Variants in KIRREL3 observed in about 807,000 individuals in gnomAD.
KIRREL3 encodes kin of IRRE-like protein 3.
A neutral mutation model predicts 89.7 loss-of-function variants in KIRREL3; 36 were observed. That is an observed-to-expected ratio of 0.40 (90% CI 0.31 to 0.53). KIRREL3 has a LOEUF of 0.53. Ranked by LOEUF, KIRREL3 falls within the 20% of genes least tolerant of loss-of-function variation. The pLI is 0.49. For missense variants in KIRREL3, 864 were observed against 1,056.6 expected (o/e 0.82, Z 2.53); for synonymous variants, 445 against 441.4 (o/e 1.01, Z -0.10).
chr11:126,865,373 C>T (rs1944885282), intron 1 of KIRREL3, among the ~76,000 whole-genome samples: 1 of 152,242 alleles, frequency 6.6e-6, no homozygotes, highest in African/African-American at 2.4e-5. Flanking sequence ...AGGCTGCCTG[C>T]TGCTTTCTGT....
At chr11:126,850,131 G>T (rs1197985875) in intron 1 of KIRREL3, among the ~76,000 whole-genome samples, 1 of 152,222 alleles carries the variant, frequency 6.6e-6, no homozygotes, top group African/African-American at 2.4e-5. Context: ...GGGTGAAGGA[G>T]TCAGAGTGAA....
intron 1 of KIRREL3, among the ~76,000 whole-genome samples, chr11:126,716,753 G>GGT (rs1947980274): frequency 7.5e-6 from 1 of 132,708 alleles, no homozygotes; most frequent in African/African-American, 3.1e-5. Flanking sequence ...TGTGTTGGGG[G>GGT]GGGGGGGAAG....
chr11:126,621,643 G>A (rs574313968), intron 1 of KIRREL3, among the ~76,000 whole-genome samples: 27 of 152,026 alleles, frequency 1.8e-4, no homozygotes, highest in Non-Finnish European at 3.1e-4. Flanking sequence ...TTAATACCAC[G>A]AAACTATAAA....
chr11:126,625,398 C>T (rs996286750), intron 1 of KIRREL3, among the ~76,000 whole-genome samples: 5 of 152,152 alleles, frequency 3.3e-5, no homozygotes, highest in African/African-American at 7.2e-5. Flanking sequence ...CAGGGTTGGT[C>T]GTTGTAAGGA....
rs1944958517 is a variant in KIRREL3 at position 126,652,823 on chromosome 11, A to T, written c.56-89911T>A. ...AGGCCTTTCAACTTTCCTCCCTGAG[A>T]TCTTCCTCCGTGAACCAACAACAAA... On this transcript the variant is annotated intron_variant, in intron 1 of 16. Coordinates refer to ENST00000525144, the MANE Select transcript of KIRREL3 (RefSeq NM_032531.4). The surrounding 1 kb of genome is among the most constrained non-coding windows in gnomAD (Gnocchi z 4.9). 1 of 152,294 alleles carries T rather than the reference A, an allele frequency of 6.6e-6. No homozygotes were observed. The highest frequency in any genetic ancestry group is 1.5e-5 in the Non-Finnish European group (1 of 68,030). The allele number at this position is 152,294 out of a possible 1,614,324, so 9.4% of individuals were successfully genotyped here.
intron 1 of KIRREL3, among the ~76,000 whole-genome samples, chr11:126,988,947 G>T (rs1417365421): frequency 6.6e-6 from 1 of 152,028 alleles, no homozygotes; most frequent in Non-Finnish European, 1.5e-5. Flanking sequence ...CCTCAGTTCA[G>T]CTTTCTATTA....
chr11:126,445,641 C>T (rs1162935106), intron 9 of KIRREL3, among the ~76,000 whole-genome samples: 1 of 152,232 alleles, frequency 6.6e-6, no homozygotes, highest in Non-Finnish European at 1.5e-5. Flanking sequence ...CAGTGAACAC[C>T]TGTGTCTCTT....
Position 126,780,294 on chromosome 11 carries a change from T to C in KIRREL3, c.56-217382A>G, listed in dbSNP as rs1302273373. Among the ~76,000 whole-genome samples, 1 of 152,184 alleles carries C rather than the reference T, an allele frequency of 6.6e-6. No individual in the cohort carries two copies. The highest frequency in any genetic ancestry group is 1.5e-5 in the Non-Finnish European group (1 of 68,036). On this transcript the variant is annotated intron_variant, in intron 1 of 16. Transcript: ENST00000525144. The surrounding 1 kb of genome is among the most constrained non-coding windows in gnomAD (Gnocchi z 5.3). ...GCAGCCTATCTTCTTCCGAGTCCAC[T>C]AGAGAAGTGTGGCACAGGAGAGAGC... is the stretch of plus-strand genomic sequence containing the variant.
rs1248901752 is a variant in KIRREL3 at position 126,778,533 on chromosome 11, A to G, written c.56-215621T>C. 6.6e-6 allele frequency among the ~76,000 whole-genome samples: 1 copy of G among 152,240 alleles called. No individual in the cohort carries two copies. The highest frequency in any genetic ancestry group is 1.5e-5 in the Non-Finnish European group (1 of 68,048). On this transcript the variant is annotated intron_variant, in intron 1 of 16. Transcript: ENST00000525144. This position sits in a 1 kb window ranked among gnomAD's most constrained non-coding sequence, Gnocchi z 4.5. Reference sequence around the variant, plus strand: ...GTATTACTTTTATGTTTTTGCTATAACAACAATGCTGCGGTAAATACCCTT... The same window carrying G: ...GTATTACTTTTATGTTTTTGCTATAGCAACAATGCTGCGGTAAATACCCTT...
Position 126,763,198 on chromosome 11 carries a change from C to T in KIRREL3, c.56-200286G>A, listed in dbSNP as rs963267283. 3.3e-5 allele frequency among the ~76,000 whole-genome samples: 5 copies of T among 152,178 alleles called. No individual in the cohort carries two copies. Among genetic ancestry groups the T allele is most frequent in the African/African-American group, 1.2e-4 (5 of 41,440 alleles). On this transcript the variant is annotated intron_variant, in intron 1 of 16. Coordinates refer to ENST00000525144, the MANE Select transcript of KIRREL3 (RefSeq NM_032531.4). This position sits in a 1 kb window ranked among gnomAD's most constrained non-coding sequence, Gnocchi z 4.7. The stretch of plus-strand genomic sequence containing the variant: ...AGCTGTGTGATCTTGAACAACTCCT[C>T]TTCTCCCTGAGCAAAATGAGGGGGC...
chr11:126,446,405 A>G (rs1211088647), intron 9 of KIRREL3, among the ~76,000 whole-genome samples: 1 of 150,772 alleles, frequency 6.6e-6, no homozygotes, highest in Non-Finnish European at 1.5e-5. Context: ...TCTTGAGCTC[A>G]TGTGATCCTT....
At chr11:126,504,955 C>T (rs748006313) in intron 4 of KIRREL3, among the ~76,000 whole-genome samples, 10 of 152,292 alleles carry the variant, frequency 6.6e-5, no homozygotes, top group South Asian at 4.1e-4. Context: ...AAACCCAACA[C>T]GATGTGTAGT....
rs1390680944 is a variant in KIRREL3, at chr11:126,490,969, C to T, written c.434-17503G>A. On this transcript the variant is annotated intron_variant, in intron 4 of 16. Coordinates refer to ENST00000525144, the MANE Select transcript of KIRREL3 (RefSeq NM_032531.4). The surrounding 1 kb of genome is among the most constrained non-coding windows in gnomAD (Gnocchi z 4.2). ...ACAGCCCACCTGCACGAGGAGGGGG[C>T]GTTTGGAGGGTGGAGGAGAGCCTGT... is the stretch of plus-strand genomic sequence containing the variant. 6.6e-6 allele frequency among the ~76,000 whole-genome samples: 1 copy of T among 152,106 alleles called. No homozygotes were observed. The highest frequency in any genetic ancestry group is 6.5e-5 in the Admixed American group (1 of 15,268).
chr11:126,906,189 T>A lies in KIRREL3; in HGVS notation c.55+94266A>T, dbSNP rs1195057426. 6.6e-6 allele frequency among the ~76,000 whole-genome samples: 1 copy of A among 152,182 alleles called. No homozygotes were observed. Among genetic ancestry groups the A allele is most frequent in the Non-Finnish European group, 1.5e-5 (1 of 68,034 alleles). ...TTTCTCTCTGTACACTCCAGCTCCCTGGAAGACTTTCTGACAGCTCCCTTT... is the reference window on the plus strand; with the variant it reads ...TTTCTCTCTGTACACTCCAGCTCCCAGGAAGACTTTCTGACAGCTCCCTTT... On this transcript the variant is annotated intron_variant, in intron 1 of 16. Coordinates refer to ENST00000525144, the MANE Select transcript of KIRREL3 (RefSeq NM_032531.4). This position sits in a 1 kb window ranked among gnomAD's most constrained non-coding sequence, Gnocchi z 4.1.
At position 126,551,928 on chromosome 11, in the gene KIRREL3, G is replaced by A. The variant is rs984477884; in HGVS notation, c.133+10907C>T. ...CCCAAAGTGCTGGGATTACAGGCGTGAGCCACTGTGCCCAGCCTGCAGGCT... is the reference window on the plus strand; with the variant it reads ...CCCAAAGTGCTGGGATTACAGGCGTAAGCCACTGTGCCCAGCCTGCAGGCT... On this transcript the variant is annotated intron_variant, in intron 2 of 16. Coordinates refer to ENST00000525144, the MANE Select transcript of KIRREL3 (RefSeq NM_032531.4). This position sits in a 1 kb window ranked among gnomAD's most constrained non-coding sequence, Gnocchi z 4.9. 2.6e-5 allele frequency among the ~76,000 whole-genome samples: 4 copies of A among 152,240 alleles called. No homozygotes were observed. Among genetic ancestry groups the A allele is most frequent in the African/African-American group, 9.6e-5 (4 of 41,466 alleles).
chr11:126,638,867 C>T (rs1032118599), intron 1 of KIRREL3, among the ~76,000 whole-genome samples: 2 of 152,106 alleles, frequency 1.3e-5, no homozygotes, highest in African/African-American at 4.8e-5. Context: ...TCCCCATGGC[C>T]CCAGTGACAG....
chr11:126,691,133 G>A (rs1329712705), intron 1 of KIRREL3, among the ~76,000 whole-genome samples: 1 of 152,168 alleles, frequency 6.6e-6, no homozygotes, highest in Admixed American at 6.5e-5. Flanking sequence ...GAGTATGGAA[G>A]TATGACAATA....
rs201230668 is a variant in KIRREL3, at chr11:126,923,098, T to TCTTCTC, written c.55+77351_55+77356dup. ...CTTGCCTTGTGGATCTTCTTCTTCT[T>TCTTCTC]CTTCTCCTTCTCCTTCTCCTTCTCC... On this transcript the variant is annotated intron_variant, in intron 1 of 16. Coordinates refer to ENST00000525144, the MANE Select transcript of KIRREL3 (RefSeq NM_032531.4). Among the ~76,000 whole-genome samples the TCTTCTC allele has an allele frequency of 4.1e-3, 362 of 89,160 alleles. 15 individuals carry two copies. The highest frequency in any genetic ancestry group is 0.022 in the East Asian group (81 of 3,752). The allele number at this position is 89,160 out of a possible 152,430, so 58.5% of individuals were successfully genotyped here.
chr11:126,562,832 G>A lies in KIRREL3; in HGVS notation c.133+3C>T. On this transcript the variant is annotated splice_donor_region_variant and intron_variant, in intron 2 of 16. Coordinates refer to ENST00000525144, the MANE Select transcript of KIRREL3 (RefSeq NM_032531.4). The surrounding 1 kb of genome is among the most constrained non-coding windows in gnomAD (Gnocchi z 4.7). ...CCGAGACAATGGGGAGGTTCTCACT[G>A]ACCTTCATTCATTCTCCGAAACTTG... 1 of 1,613,060 alleles carries A rather than the reference G, an allele frequency of 6.2e-7. No homozygotes were observed. The highest frequency in any genetic ancestry group is 1.7e-5 in the Admixed American group (1 of 59,988).
Sources: allele counts gnomAD v4.1 joint callset (sites outside exome capture counted in the v4.1 genomes callset), GRCh38; gene constraint gnomAD v4.1.1; non-coding constraint Gnocchi (gnomAD v3.1); transcripts MANE v1.5; gene names NCBI Gene and HGNC (gene_info 2026-07-23, HGNC 2026-07-21).